The following GALNT13 variants were observed in gnomAD, a reference collection of about 807,000 sequenced individuals.
GALNT13 encodes the protein UDP-GalNAc:polypeptide N-acetylgalactosaminyltransferase 13.
A neutral mutation model predicts 64.2 loss-of-function variants in GALNT13; 28 were observed. That is an observed-to-expected ratio of 0.44 (90% CI 0.32 to 0.60). GALNT13 has a LOEUF of 0.60. GALNT13 is among the 20% of genes least tolerant of loss of function. The pLI, the probability that GALNT13 is intolerant of heterozygous loss-of-function variation, is 0.05. For missense variants in GALNT13, 577 were observed against 669.8 expected, an observed-to-expected ratio of 0.86 and a Z score of 1.53; for synonymous variants, 214 against 224.6, an observed-to-expected ratio of 0.95 and a Z score of 0.42.
intron 4 of GALNT13, among the ~76,000 whole-genome samples, chr2:154,207,573 C>T (rs1240990595): frequency 6.6e-6 from 1 of 152,120 alleles, no homozygotes; most frequent in African/African-American, 2.4e-5. Flanking sequence ...TGTTATATCA[C>T]TTAACATAAT....
intron 8 of GALNT13, among the ~76,000 whole-genome samples, chr2:154,277,521 A>C (rs754297146): frequency 6.6e-6 from 1 of 152,150 alleles, no homozygotes; most frequent in Non-Finnish European, 1.5e-5. Flanking sequence ...GTCAACCAGA[A>C]ATGTAGTTAA....
chr2:153,842,879 C>G, the GALNT13 span, among the ~76,000 whole-genome samples: 2 of 152,130 alleles, frequency 1.3e-5, no homozygotes, highest in East Asian at 1.9e-4. Context: ...CCAGTTTTAT[C>G]AAGAAACTGG....
At chr2:154,335,045 C>A in intron 9 of GALNT13, among the ~76,000 whole-genome samples, 1 of 151,990 alleles carries the variant, frequency 6.6e-6, no homozygotes, top group Non-Finnish European at 1.5e-5. Flanking sequence ...AGTCTCTTCA[C>A]TCAGAAAAAC....
the GALNT13 span, among the ~76,000 whole-genome samples, chr2:153,517,785 A>ATAATATGTT: frequency 6.6e-6 from 1 of 152,216 alleles, no homozygotes; most frequent in Non-Finnish European, 1.5e-5. Flanking sequence ...GTGTGCTAAA[A>ATAATATGTT]TCAGTTGGCA....
the GALNT13 span, among the ~76,000 whole-genome samples, chr2:153,087,098 TATA>T: frequency 6.6e-6 from 1 of 152,198 alleles, no homozygotes; most frequent in African/African-American, 2.4e-5. Context: ...CCCTATTCAG[TATA>T]ATGTTGGCTG....
chr2:153,906,815 C>G (rs1336773201), intron 2 of GALNT13, among the ~76,000 whole-genome samples: 3 of 151,270 alleles, frequency 2.0e-5, no homozygotes, highest in Admixed American at 6.6e-5. Context: ...CCTGAGGAAT[C>G]GCCACACTGA....
chr2:153,867,023 G>A (rs1574005731), upstream of GALNT13, among the ~76,000 whole-genome samples: 2 of 152,230 alleles, frequency 1.3e-5, no homozygotes, highest in East Asian at 1.9e-4. Context: ...TAATGATAAA[G>A]CTTGAATATG....
At chr2:153,364,031 T>G in the GALNT13 span, among the ~76,000 whole-genome samples, 4 of 152,090 alleles carry the variant, frequency 2.6e-5, no homozygotes, top group Non-Finnish European at 5.9e-5. Flanking sequence ...ATCAAAAAAT[T>G]TACTCATGAT....
At chr2:153,940,286 C>G (rs1293091216) in intron 2 of GALNT13, among the ~76,000 whole-genome samples, 1 of 136,856 alleles carries the variant, frequency 7.3e-6, no homozygotes, top group Non-Finnish European at 1.5e-5. Context: ...TTGACAGAGT[C>G]TTGCTCTGTT....
chr2:154,142,603 G>C (rs968562633), intron 4 of GALNT13, among the ~76,000 whole-genome samples: 1 of 148,294 alleles, frequency 6.7e-6, no homozygotes, highest in Non-Finnish European at 1.5e-5. Context: ...AAACCCTGTT[G>C]AGATTCCAGG....
intron 9 of GALNT13, among the ~76,000 whole-genome samples, chr2:154,370,144 G>A (rs932009872): frequency 6.6e-6 from 1 of 151,996 alleles, no homozygotes; most frequent in Admixed American, 6.6e-5. Flanking sequence ...AAGTTTAGGT[G>A]GGGGATACAA....
At chr2:153,546,340 A>G in the GALNT13 span, among the ~76,000 whole-genome samples, 10 of 152,218 alleles carry the variant, frequency 6.6e-5, no homozygotes, top group African/African-American at 2.2e-4. Flanking sequence ...GTACTTTTAA[A>G]ATCATTTTCA....
chr2:154,194,943 G>A (rs1201622453), intron 4 of GALNT13, among the ~76,000 whole-genome samples: 1 of 151,192 alleles, frequency 6.6e-6, no homozygotes, highest in African/African-American at 2.4e-5. Flanking sequence ...ATGCCATGGT[G>A]GTTTGCTGCA....
At chr2:154,168,673 T>A (rs10192939) in intron 4 of GALNT13, among the ~76,000 whole-genome samples, 55,546 of 100,714 alleles carry the variant, frequency 0.55, 12,473 homozygotes, top group African/African-American at 0.59. Flanking sequence ...TCTCTACTAT[T>A]AAAAAAAAAA....
chr2:153,265,718 A>C, the GALNT13 span, among the ~76,000 whole-genome samples: 3 of 152,188 alleles, frequency 2.0e-5, no homozygotes, highest in African/African-American at 7.2e-5. Context: ...CCTGTGCAGA[A>C]GATTATTACT....
At chr2:154,023,765 A>G (rs1247213316) in intron 3 of GALNT13, among the ~76,000 whole-genome samples, 1 of 152,162 alleles carries the variant, frequency 6.6e-6, no homozygotes, top group East Asian at 1.9e-4. Context: ...TTTGCTCGTT[A>G]GTTGATGCAG....
At chr2:154,455,617 C>T (rs373345981), downstream of GALNT13, among the ~76,000 whole-genome samples, 239 of 152,266 alleles carry the variant, frequency 1.6e-3, 1 homozygote, top group South Asian at 3.3e-3. Flanking sequence ...TACATGGACA[C>T]ATCTGTTGTG....
the GALNT13 span, among the ~76,000 whole-genome samples, chr2:153,525,766 G>T: frequency 6.6e-6 from 1 of 152,154 alleles, no homozygotes; most frequent in Non-Finnish European, 1.5e-5. Flanking sequence ...TGATTCTAGG[G>T]CTTAGTTCTT....
At chr2:154,336,236 T>A (rs1252735577) in intron 9 of GALNT13, among the ~76,000 whole-genome samples, 1 of 152,080 alleles carries the variant, frequency 6.6e-6, no homozygotes, top group African/African-American at 2.4e-5. Context: ...TAGAGATATT[T>A]TAAATAATCA....
Sources: gnomAD v4.1 joint callset for allele counts (sites outside exome capture counted in the v4.1 genomes callset) on GRCh38, gnomAD v4.1.1 for gene constraint, MANE v1.5 for transcripts, NCBI Gene and HGNC (gene_info 2026-07-23, HGNC 2026-07-21) for gene names.